The following CLTCL1 variants were observed in gnomAD, a reference collection of about 807,000 sequenced individuals.
CLTCL1 encodes the protein clathrin heavy chain like 1, also known as clathrin heavy chain 2.
A neutral mutation model predicts 190.0 loss-of-function variants in CLTCL1; 159 were observed. The ratio of observed to expected loss-of-function variants is 0.84; its 90% CI spans 0.74 to 0.95. CLTCL1 has a LOEUF of 0.95. Among genes scored for constraint, CLTCL1 ranks in the 40% least tolerant of loss-of-function variants. The pLI, the probability that CLTCL1 is intolerant of heterozygous loss-of-function variation, is 0.00. For missense variants in CLTCL1, 1,878 were observed against 2,033.4 expected (o/e 0.92, Z 1.47); for synonymous variants, 752 against 769.6 (o/e 0.98, Z 0.38).
rs782416911 is a variant in CLTCL1, at chr22:19,233,639, A to T, written c.1168-17T>A. 6.2e-7 allele frequency: 1 copy of T among 1,609,514 alleles called. No homozygotes were observed. Among genetic ancestry groups the T allele is most frequent in the South Asian group, 1.1e-5 (1 of 90,850 alleles). ...CAGGATTCCCTAATAATAAATGGAA[A>T]AATAGGTCATTGTGTTGTAATCACA... On this transcript the variant is annotated splice_polypyrimidine_tract_variant and intron_variant, in intron 7 of 32. Coordinates refer to ENST00000427926, the MANE Select transcript of CLTCL1 (RefSeq NM_007098.4).
Position 19,196,482 on chromosome 22 carries a change from A to C in CLTCL1, c.4041+7T>G. ...ACGGCTGCCAGACTGCAAGGAGTACACGGTACCTTTGGGATGTTGACACGG... is the reference window on the plus strand; with the variant it reads ...ACGGCTGCCAGACTGCAAGGAGTACCCGGTACCTTTGGGATGTTGACACGG... On this transcript the variant is annotated splice_region_variant and intron_variant, in intron 25 of 32. Coordinates refer to ENST00000427926, the MANE Select transcript of CLTCL1 (RefSeq NM_007098.4). 1 of 1,614,050 alleles carries C rather than the reference A, an allele frequency of 6.2e-7. No homozygotes were observed. Among genetic ancestry groups the C allele is most frequent in the Non-Finnish European group, 8.5e-7 (1 of 1,179,890 alleles).
At chr22:19,266,283 G>A (rs1413828012) in intron 2 of CLTCL1, among the ~76,000 whole-genome samples, 1 of 152,142 alleles carries the variant, frequency 6.6e-6, no homozygotes. Flanking sequence ...ATTAAAAGAA[G>A]CGAATATTAT....
intron 29 of CLTCL1, chr22:19,184,843 C>A (rs1008312940): frequency 9.2e-6 from 3 of 326,198 alleles, no homozygotes; most frequent in African/African-American, 6.5e-5. Context: ...CTCTCCCACA[C>A]CCTCCTCTCT....
intron 2 of CLTCL1, among the ~76,000 whole-genome samples, chr22:19,272,261 G>A (rs73160230): frequency 0.058 from 8,881 of 152,204 alleles, 321 homozygotes; most frequent in Middle Eastern, 0.16. Flanking sequence ...AAATGTATCT[G>A]GTTTTAAAGA....
chr22:19,249,416 A>T (rs2146026072), intron 3 of CLTCL1, among the ~76,000 whole-genome samples: 1 of 152,240 alleles, frequency 6.6e-6, no homozygotes, highest in Non-Finnish European at 1.5e-5. Context: ...TAAAATATAT[A>T]TTTGCACTCT....
intron 29 of CLTCL1, 70 bp from the exon 30 acceptor site, chr22:19,183,681 G>A (rs180955104): frequency 4.5e-5 from 67 of 1,474,714 alleles, no homozygotes; most frequent in Middle Eastern, 4.3e-4. Flanking sequence ...CAGCTGGGCC[G>A]GAGGGCAGGG....
At position 19,232,478 on chromosome 22, in the gene CLTCL1, G is replaced by A; in HGVS notation, c.1642C>T (p.Gln548Ter). 6.2e-7 allele frequency: 1 copy of A among 1,613,912 alleles called. No homozygotes were observed. The highest frequency in any genetic ancestry group is 8.5e-7 in the Non-Finnish European group (1 of 1,179,850). The change falls in exon 10 of 33, where the codon CAG becomes TAG. Residue 548 changes from glutamine to a stop codon, truncating the protein, a stop_gained and splice_region_variant. Transcript: ENST00000427926. LOFTEE classifies it high-confidence loss of function. ...QDEEPLANIS[Q>*]IVDIFMENSL... ...TGTCCAAAACTGCCTACGCTCACCT[G>A]GCTAATGTTGGCCAGCGGCTCCTCG... is the stretch of plus-strand genomic sequence containing the variant.
At chr22:19,203,714 C>G (rs1555941221) in intron 22 of CLTCL1, among the ~76,000 whole-genome samples, 1 of 152,162 alleles carries the variant, frequency 6.6e-6, no homozygotes. Context: ...GCTGCCTGTC[C>G]CTGGAGGCTG....
chr22:19,214,589 A>T (rs1442790884), intron 19 of CLTCL1, among the ~76,000 whole-genome samples: 1 of 151,602 alleles, frequency 6.6e-6, no homozygotes, highest in Non-Finnish European at 1.5e-5. Flanking sequence ...CTAAAGGTTT[A>T]TTTATGGTTT....
intron 29 of CLTCL1, chr22:19,184,807 C>T (rs1221592380): frequency 1.8e-5 from 6 of 335,762 alleles, no homozygotes; most frequent in Admixed American, 8.0e-5. Context: ...CCCGCTCCTG[C>T]GGCCTGGAGC....
intron 27 of CLTCL1, among the ~76,000 whole-genome samples, chr22:19,188,850 G>A (rs539186454): frequency 1.1e-4 from 16 of 152,066 alleles, no homozygotes; most frequent in African/African-American, 3.9e-4. Flanking sequence ...CCTGAACTCA[G>A]GTGATCTGCC....
At chr22:19,264,734 A>C (rs2087062227) in intron 2 of CLTCL1, among the ~76,000 whole-genome samples, 1 of 152,170 alleles carries the variant, frequency 6.6e-6, no homozygotes, top group African/African-American at 2.4e-5. Flanking sequence ...CTGGGCAATA[A>C]TTAAGATGAT....
At chr22:19,265,119 A>G (rs1276674505) in intron 2 of CLTCL1, among the ~76,000 whole-genome samples, 2 of 152,212 alleles carry the variant, frequency 1.3e-5, no homozygotes, top group African/African-American at 4.8e-5. Context: ...TCCAAAACAC[A>G]TGATCAGTAA....
At chr22:19,195,154 G>A (rs1321218943) in intron 26 of CLTCL1, among the ~76,000 whole-genome samples, 1 of 152,190 alleles carries the variant, frequency 6.6e-6, no homozygotes, top group Non-Finnish European at 1.5e-5. Flanking sequence ...ACACAGGATT[G>A]ATCAAGTATG....
chr22:19,248,825 G>C (rs1248356952), intron 3 of CLTCL1, among the ~76,000 whole-genome samples: 2 of 152,168 alleles, frequency 1.3e-5, no homozygotes, highest in African/African-American at 4.8e-5. Context: ...AAAGTGCTGG[G>C]ATTACAGGCA....
At chr22:19,220,254 G>C (rs712947) in intron 17 of CLTCL1, among the ~76,000 whole-genome samples, 8,897 of 152,256 alleles carry the variant, frequency 0.058, 330 homozygotes, top group Middle Eastern at 0.16. Flanking sequence ...TATCTGGCCA[G>C]TAGGACTTCC....
At chr22:19,219,299 C>G (rs1051573303) in intron 18 of CLTCL1, among the ~76,000 whole-genome samples, 1 of 150,800 alleles carries the variant, frequency 6.6e-6, no homozygotes, top group Admixed American at 6.6e-5. Context: ...AAGCGATTCT[C>G]CTGCTTCAGC....
chr22:19,214,855 T>C (rs2085336739), intron 19 of CLTCL1, among the ~76,000 whole-genome samples: 1 of 152,134 alleles, frequency 6.6e-6, no homozygotes. Context: ...TGAATTTTTA[T>C]TTTTAGTAGA....
chr22:19,225,954 G>A (rs1190062839), intron 12 of CLTCL1, among the ~76,000 whole-genome samples: 2 of 152,200 alleles, frequency 1.3e-5, no homozygotes, highest in Non-Finnish European at 2.9e-5. Flanking sequence ...ATGTTAAAAG[G>A]TGACCAGTAT....
Sources: gnomAD v4.1 joint callset for allele counts (sites outside exome capture counted in the v4.1 genomes callset) on GRCh38, gnomAD v4.1.1 for gene constraint, MANE v1.5 for transcripts, NCBI Gene and HGNC (gene_info 2026-07-23, HGNC 2026-07-21) for gene names.